The following ZNF385D variants were observed in gnomAD, a reference collection of about 807,000 sequenced individuals.
ZNF385D encodes the protein zinc finger protein 659.
ZNF385D carries 15 observed loss-of-function variants against 35.8 expected under a neutral mutation model. The ratio of observed to expected loss-of-function variants is 0.42; its 90% CI spans 0.28 to 0.64. The LOEUF (loss-of-function observed/expected upper bound fraction) is 0.64. ZNF385D is among the 30% of genes least tolerant of loss of function. The probability of loss-of-function intolerance (pLI) is 0.23; values close to 1 mark genes in which losing one functional copy is unlikely to be tolerated. For missense variants in ZNF385D, 474 were observed against 494.6 expected (o/e 0.96, Z 0.39); for synonymous variants, 212 against 186.8 (o/e 1.13, Z -1.10).
chr3:21,893,817 CTAA>C (rs1699001432), intron 3 of ZNF385D, among the ~76,000 whole-genome samples: 1 of 152,120 alleles, frequency 6.6e-6, no homozygotes, highest in Admixed American at 6.5e-5. Context: ...TTCTAGTTCC[CTAA>C]TAAGGCAACC....
At chr3:22,368,665 G>A (rs1448674167) in intron 2 of ZNF385D, among the ~76,000 whole-genome samples, 1 of 152,040 alleles carries the variant, frequency 6.6e-6, no homozygotes, top group South Asian at 2.1e-4. Context: ...ACAAAGAAAG[G>A]GTCCTCATCT....
chr3:21,867,227 T>C (rs1697414204), intron 3 of ZNF385D, among the ~76,000 whole-genome samples: 1 of 152,156 alleles, frequency 6.6e-6, no homozygotes, highest in Non-Finnish European at 1.5e-5. Flanking sequence ...TAATCCATTA[T>C]TGAGGTCAAG....
At chr3:21,946,422 T>A (rs1701786874) in intron 3 of ZNF385D, among the ~76,000 whole-genome samples, 1 of 151,840 alleles carries the variant, frequency 6.6e-6, no homozygotes, top group Non-Finnish European at 1.5e-5. Flanking sequence ...TGAAAATTAA[T>A]TCATTAGATT....
In ZNF385D at chr3:21,414,778, C is replaced by T. The variant is rs1418764568; in HGVS notation, c.*6436G>A. 1 of 152,024 alleles carries T rather than the reference C, an allele frequency of 6.6e-6. No homozygotes were observed. The highest frequency in any genetic ancestry group is 2.4e-5 in the African/African-American group (1 of 41,406). 9.4% of individuals were successfully genotyped at this position (152,024 alleles called of 1,614,324 possible). ...GCCACAAGGCTTTTTCGCCAATATC[C>T]AGTACTTCCACACATTTTTCTATAA... On this transcript the variant is annotated 3_prime_UTR_variant, in exon 8 of 8. Transcript: ENST00000281523.
chr3:21,445,389 C>A (rs1702093008), intron 4 of ZNF385D, among the ~76,000 whole-genome samples: 1 of 152,174 alleles, frequency 6.6e-6, no homozygotes, highest in South Asian at 2.1e-4. Context: ...AATACAAGCT[C>A]TCTATTTAAA....
intron 3 of ZNF385D, among the ~76,000 whole-genome samples, chr3:21,975,469 G>C (rs1386386273): frequency 1.3e-5 from 2 of 151,966 alleles, no homozygotes; most frequent in East Asian, 3.9e-4. Flanking sequence ...GAATGAATAA[G>C]ACCTAGTATT....
chr3:21,825,873 G>T (rs957813864), intron 3 of ZNF385D, among the ~76,000 whole-genome samples: 1 of 152,322 alleles, frequency 6.6e-6, no homozygotes. Context: ...AAAGCCAAAG[G>T]TTACGGCCTG....
rs80218269 is a variant in ZNF385D at position 22,064,082 on chromosome 3, C to T, written c.325+104735G>A. On this transcript the variant is annotated intron_variant, in intron 3 of 5. Coordinates refer to the ZNF385D transcript ENST00000494108. Reference sequence around the variant, plus strand: ...ACCTCATGCTTCACACTTTGTACCTCACCTTTAGGGGACTGCTAGGACTTC... The same window carrying T: ...ACCTCATGCTTCACACTTTGTACCTTACCTTTAGGGGACTGCTAGGACTTC... Among the ~76,000 whole-genome samples the T allele has an allele frequency of 5.9e-3, 896 of 152,300 alleles. 10 individuals carry two copies. The highest frequency in any genetic ancestry group is 0.021 in the African/African-American group (853 of 41,568).
chr3:22,227,938 C>A (rs1449275356), intron 2 of ZNF385D, among the ~76,000 whole-genome samples: 2 of 152,158 alleles, frequency 1.3e-5, no homozygotes, highest in African/African-American at 4.8e-5. Context: ...ACTGCCACTT[C>A]AATAAAAGTT....
intron 1 of ZNF385D, among the ~76,000 whole-genome samples, chr3:21,719,672 C>G (rs1244720831): frequency 6.6e-6 from 1 of 152,202 alleles, no homozygotes; most frequent in African/African-American, 2.4e-5. Flanking sequence ...TCCACCCCCT[C>G]ATGAATAATC....
intron 3 of ZNF385D, among the ~76,000 whole-genome samples, chr3:21,981,762 G>C (rs1045061322): frequency 6.6e-6 from 1 of 152,130 alleles, no homozygotes; most frequent in African/African-American, 2.4e-5. Flanking sequence ...AAGGAGTCCA[G>C]CTTCAATCTT....
chr3:21,622,192 GA>G (rs1162987895), intron 2 of ZNF385D, among the ~76,000 whole-genome samples: 1 of 151,744 alleles, frequency 6.6e-6, no homozygotes, highest in Non-Finnish European at 1.5e-5. Flanking sequence ...ATTTTAATAG[GA>G]AAAAAGTGAT....
intron 3 of ZNF385D, among the ~76,000 whole-genome samples, chr3:21,973,501 T>C (rs1703397645): frequency 6.6e-6 from 1 of 151,826 alleles, no homozygotes; most frequent in Non-Finnish European, 1.5e-5. Context: ...TCCTCTAAGA[T>C]CTGGGATGAG....
At position 21,437,041 on chromosome 3, in the gene ZNF385D, T is replaced by C; in HGVS notation, c.602A>G (p.Lys201Arg). The C allele has an allele frequency of 6.2e-7, 1 of 1,613,974 alleles. No homozygotes were observed. ...PSTETEEEKAKRLLYCSLCKV... is the reference protein window; with the variant it reads ...PSTETEEEKARRLLYCSLCKV... ...GCATAGCGAACAGTAAAGAAGCCGT[T>C]TTGCCTTTTCTTCCTCGGTCTCAGT... The change falls in exon 5 of 8, where the codon AAA (lysine) becomes AGA (arginine). Residue 201 changes from lysine (K) to arginine (R), a missense_variant. Coordinates refer to ENST00000281523, the MANE Select transcript of ZNF385D (RefSeq NM_024697.3).
intron 1 of ZNF385D, among the ~76,000 whole-genome samples, chr3:21,742,917 T>C (rs2069587608): frequency 1.3e-5 from 2 of 152,230 alleles, no homozygotes; most frequent in Non-Finnish European, 2.9e-5. Flanking sequence ...CATACATTTG[T>C]ATATGAGTTG....
At chr3:22,239,259 A>G (rs1030825152) in intron 2 of ZNF385D, among the ~76,000 whole-genome samples, 4 of 151,082 alleles carry the variant, frequency 2.6e-5, no homozygotes, top group East Asian at 3.9e-4. Flanking sequence ...CATAGCCACA[A>G]TCATTCATTC....
intron 2 of ZNF385D, among the ~76,000 whole-genome samples, chr3:21,651,076 G>A (rs537709201): frequency 1.3e-5 from 2 of 150,920 alleles, no homozygotes; most frequent in African/African-American, 4.9e-5. Flanking sequence ...TCAGGAGATC[G>A]AGACCATCAT....
intron 3 of ZNF385D, among the ~76,000 whole-genome samples, chr3:21,937,967 ACT>A (rs1277809819): frequency 2.6e-5 from 4 of 152,154 alleles, no homozygotes; most frequent in African/African-American, 9.7e-5. Context: ...CAGTGTCCAA[ACT>A]CTTCTATATG....
intron 2 of ZNF385D, among the ~76,000 whole-genome samples, chr3:22,306,255 T>C (rs1703209224): frequency 6.6e-6 from 1 of 152,012 alleles, no homozygotes; most frequent in Non-Finnish European, 1.5e-5. Context: ...AATCTTCTGG[T>C]TTTTCTGGCA....
Sources: gnomAD v4.1 joint callset for allele counts (sites outside exome capture counted in the v4.1 genomes callset) on GRCh38, gnomAD v4.1.1 for gene constraint, MANE v1.5 for transcripts, NCBI Gene and HGNC (gene_info 2026-07-23, HGNC 2026-07-21) for gene names.